Variants in BRINP1 observed in about 807,000 individuals in gnomAD.
BRINP1 encodes BMP/retinoic acid inducible neural specific 1.
A neutral mutation model predicts 72.9 loss-of-function variants in BRINP1; 17 were observed. That is an observed-to-expected ratio of 0.23 (90% CI 0.16 to 0.35). BRINP1 has a LOEUF of 0.35. BRINP1 is among the 10% of genes least tolerant of loss of function. BRINP1 has a pLI of 1.00. For synonymous variants in BRINP1, 418 were observed against 378.5 expected (o/e 1.10, Z -1.21); for missense variants, 850 against 1,001.6 (o/e 0.85, Z 2.04).
chr9:119,179,616 C>A (rs1251060643), intron 7 of BRINP1, among the ~76,000 whole-genome samples: 1 of 152,148 alleles, frequency 6.6e-6, no homozygotes, highest in African/African-American at 2.4e-5. Context: ...ACCACTTTAT[C>A]CTCACATCAA....
chr9:119,208,598 T>C, intron 7 of BRINP1, 121 bp downstream of exon 7: 2 of 946,296 alleles, frequency 2.1e-6, no homozygotes, highest in African/African-American at 3.2e-5. Flanking sequence ...GTCTGGACCA[T>C]GCGAGGTCCT....
chr9:119,259,554 CA>C (rs1830478522), intron 2 of BRINP1, among the ~76,000 whole-genome samples: 1 of 152,038 alleles, frequency 6.6e-6, no homozygotes, highest in Non-Finnish European at 1.5e-5. Flanking sequence ...TGCTTATTTC[CA>C]AAGCATCTAT....
chr9:119,207,778 T>C (rs1829873548), intron 7 of BRINP1, among the ~76,000 whole-genome samples: 1 of 152,186 alleles, frequency 6.6e-6, no homozygotes, highest in South Asian at 2.1e-4. Context: ...AATGGACTTG[T>C]TCTTTTTAAG....
At chr9:119,190,317 A>G (rs939044852) in intron 7 of BRINP1, among the ~76,000 whole-genome samples, 2 of 151,766 alleles carry the variant, frequency 1.3e-5, no homozygotes, top group Non-Finnish European at 1.5e-5. Context: ...GAAATAAATC[A>G]AATACAGAAC....
At chr9:119,168,926 A>AT (rs1157621678) in intron 7 of BRINP1, among the ~76,000 whole-genome samples, 1 of 152,212 alleles carries the variant, frequency 6.6e-6, no homozygotes, top group Non-Finnish European at 1.5e-5. Flanking sequence ...CAGTGTGGCG[A>AT]TTCCTCAAGG....
intron 7 of BRINP1, among the ~76,000 whole-genome samples, chr9:119,194,146 A>G (rs1332112342): frequency 6.6e-6 from 1 of 152,178 alleles, no homozygotes; most frequent in Non-Finnish European, 1.5e-5. Flanking sequence ...AGTGATTGCA[A>G]TCAACTCCAC....
intron 2 of BRINP1, among the ~76,000 whole-genome samples, chr9:119,303,810 C>G (rs887843848): frequency 6.6e-6 from 1 of 151,964 alleles, no homozygotes; most frequent in African/African-American, 2.4e-5. Context: ...GTGGATACTT[C>G]AGGTATTTGT....
At chr9:119,356,627 A>C (rs1831569427) in intron 1 of BRINP1, among the ~76,000 whole-genome samples, 1 of 151,912 alleles carries the variant, frequency 6.6e-6, no homozygotes, top group Non-Finnish European at 1.5e-5. Flanking sequence ...AGCATGGTGA[A>C]AACCTCATCT....
intron 7 of BRINP1, among the ~76,000 whole-genome samples, chr9:119,203,307 T>G (rs1829822942): frequency 6.6e-6 from 1 of 152,218 alleles, no homozygotes; most frequent in South Asian, 2.1e-4. Flanking sequence ...TAATTACATC[T>G]GCCTTATCAG....
chr9:119,336,861 G>A (rs1257856940), intron 1 of BRINP1, among the ~76,000 whole-genome samples: 1 of 152,040 alleles, frequency 6.6e-6, no homozygotes, highest in Admixed American at 6.5e-5. Context: ...GAATGAAAGA[G>A]GATAGCTCCC....
chr9:119,177,052 CCTT>C (rs1221966278), intron 7 of BRINP1, among the ~76,000 whole-genome samples: 3 of 152,252 alleles, frequency 2.0e-5, no homozygotes, highest in African/African-American at 4.8e-5. Flanking sequence ...AGGAGAGGTC[CCTT>C]CTTCTCCGAG....
At position 119,249,168 on chromosome 9, in the gene BRINP1, G is replaced by A. The variant is rs1028467820; in HGVS notation, c.219-18C>T. On this transcript the variant is annotated intron_variant, in intron 2 of 7. Transcript: ENST00000265922. ...CAAACTCCCTGGGCAGGAGAAATGA[G>A]CAACACTTCTCAACTTACCACCATT... is the stretch of plus-strand genomic sequence containing the variant. 1 of 1,607,606 alleles carries A rather than the reference G, an allele frequency of 6.2e-7. No individual in the cohort carries two copies. The highest frequency in any genetic ancestry group is 8.5e-7 in the Non-Finnish European group (1 of 1,176,850).
At chr9:119,188,134 A>T (rs762553084) in intron 7 of BRINP1, among the ~76,000 whole-genome samples, 7 of 152,224 alleles carry the variant, frequency 4.6e-5, no homozygotes, top group Non-Finnish European at 1.0e-4. Flanking sequence ...GAAGAAAGGC[A>T]TAGAAGGCTT....
intron 2 of BRINP1, among the ~76,000 whole-genome samples, chr9:119,309,559 G>T (rs1331959495): frequency 6.6e-6 from 1 of 152,110 alleles, no homozygotes; most frequent in Non-Finnish European, 1.5e-5. Flanking sequence ...TACTTTGTTA[G>T]AATGATGATT....
intron 1 of BRINP1, among the ~76,000 whole-genome samples, chr9:119,330,389 G>A (rs564306031): frequency 6.6e-6 from 1 of 152,262 alleles, no homozygotes; most frequent in East Asian, 1.9e-4. Context: ...TCAAGGTTTT[G>A]CAAATTCTCT....
At chr9:119,169,144 G>A (rs1203036953) in intron 7 of BRINP1, among the ~76,000 whole-genome samples, 1 of 152,224 alleles carries the variant, frequency 6.6e-6, no homozygotes, top group Non-Finnish European at 1.5e-5. Context: ...GGCCTAATAG[G>A]AACAGCTCCA....
intron 2 of BRINP1, among the ~76,000 whole-genome samples, chr9:119,299,287 A>G (rs558223619): frequency 1.3e-5 from 2 of 152,196 alleles, no homozygotes; most frequent in African/African-American, 4.8e-5. Flanking sequence ...CTTTGCTTCT[A>G]TGAATTTGAC....
rs1831084845 is a variant in BRINP1 at position 119,313,031 on chromosome 9, C to T, written c.218+107G>A. Reference sequence around the variant, plus strand: ...AACAGCTTGTGGAAGGAGCACAGACCCTTGACCCAGACACTTCTGCACACA... The same window carrying T: ...AACAGCTTGTGGAAGGAGCACAGACTCTTGACCCAGACACTTCTGCACACA... On this transcript the variant is annotated intron_variant, in intron 2 of 7. Transcript: ENST00000265922. 3.8e-6 allele frequency: 5 copies of T among 1,311,320 alleles called. No individual in the cohort carries two copies. The Admixed American group carries it at 1.2e-4, about 32-fold the overall frequency. The allele number at this position is 1,311,320 out of a possible 1,614,324, so 81.2% of individuals were successfully genotyped here.
intron 2 of BRINP1, among the ~76,000 whole-genome samples, chr9:119,292,346 G>C (rs1221705393): frequency 3.3e-5 from 5 of 152,100 alleles, no homozygotes; most frequent in Non-Finnish European, 5.9e-5. Context: ...CAGAAATAAT[G>C]ACATAAGCTA....
Sources: allele counts gnomAD v4.1 joint callset (sites outside exome capture counted in the v4.1 genomes callset), GRCh38; gene constraint gnomAD v4.1.1; transcripts MANE v1.5; gene names NCBI Gene and HGNC (gene_info 2026-07-23, HGNC 2026-07-21).